The following MGAT4A variants were observed in gnomAD, a reference collection of about 807,000 sequenced individuals.
MGAT4A encodes the protein alpha-1,3-mannosyl-glycoprotein 4-beta-N-acetylglucosaminyltransferase A.
MGAT4A carries 33 observed loss-of-function variants against 74.1 expected under a neutral mutation model. The ratio of observed to expected loss-of-function variants is 0.45; its 90% confidence interval spans 0.34 to 0.60. MGAT4A has a LOEUF of 0.60. Ranked by LOEUF, MGAT4A falls within the 20% of genes least tolerant of loss-of-function variation. The pLI is 0.02. For synonymous variants in MGAT4A, 198 were observed against 210.4 expected (o/e 0.94, Z 0.51); for missense variants, 479 against 628.3 (o/e 0.76, Z 2.54).
At position 98,625,013 on chromosome 2, in the gene MGAT4A, A is replaced by G; in HGVS notation, c.*553T>C. 1.0e-6 allele frequency: 1 copy of G among 984,290 alleles called. No individual in the cohort carries two copies. Among genetic ancestry groups the G allele is most frequent in the Non-Finnish European group, 1.2e-6 (1 of 828,526 alleles). The allele number at this position is 984,290 out of a possible 1,614,324, so 61.0% of individuals were successfully genotyped here. ...TGTAATGTTTGCATTTCCAAAGAAA[A>G]ATATAGAAAGAACTTAAAAAAGCAA... On this transcript the variant is annotated 3_prime_UTR_variant, in exon 16 of 16. Transcript: ENST00000393487.
In MGAT4A at chr2:98,621,463, C is replaced by T. The variant is rs1701059591; in HGVS notation, c.*4103G>A. Reference sequence around the variant, plus strand: ...AGCAATGGTGCCTGAGGTCCTTCTGCTTTGTCTCTTGACTTCTGCCACCAG... The same window carrying T: ...AGCAATGGTGCCTGAGGTCCTTCTGTTTTGTCTCTTGACTTCTGCCACCAG... On this transcript the variant is annotated 3_prime_UTR_variant, in exon 16 of 16. Coordinates refer to ENST00000393487, the MANE Select transcript of MGAT4A (RefSeq NM_012214.3). 2 of 1,551,526 alleles carry T rather than the reference C, an allele frequency of 1.3e-6. No individual in the cohort carries two copies. The highest frequency in any genetic ancestry group is 1.4e-5 in the African/African-American group (1 of 73,040).
At chr2:98,670,337 A>T (rs1384505259) in intron 4 of MGAT4A, among the ~76,000 whole-genome samples, 2 of 152,180 alleles carry the variant, frequency 1.3e-5, no homozygotes, top group African/African-American at 4.8e-5. Flanking sequence ...AATTGTGCAT[A>T]TGTAGTACCT....
chr2:98,679,491 G>C (rs1164662970), intron 2 of MGAT4A, among the ~76,000 whole-genome samples: 1 of 150,880 alleles, frequency 6.6e-6, no homozygotes, highest in East Asian at 1.9e-4. Context: ...AATTAGCTAG[G>C]CATGGTGGTG....
rs777994038 is a variant in MGAT4A at position 98,639,915 on chromosome 2, C to T, written c.1215G>A (p.Gly405=). The change falls in exon 12 of 16, where the codon GGG becomes GGA. Residue 405 remains glycine, a synonymous_variant. Transcript: ENST00000393487. ...EVSTSLKVYQ[G]HTLEKTYMGE... is the part of the protein sequence containing the mutation. Reference sequence around the variant, plus strand: ...CCATGTAAGTTTTCTCCAGCGTATGCCCTTGGTAGACCTTCAAGGAAGTAG... The same window carrying T: ...CCATGTAAGTTTTCTCCAGCGTATGTCCTTGGTAGACCTTCAAGGAAGTAG... 2.5e-6 allele frequency: 4 copies of T among 1,614,084 alleles called. No homozygotes were observed. Among genetic ancestry groups the T allele is most frequent in the Non-Finnish European group, 2.5e-6 (3 of 1,179,948 alleles).
chr2:98,722,541 G>A (rs1177850907), intron 2 of MGAT4A, among the ~76,000 whole-genome samples: 1 of 152,190 alleles, frequency 6.6e-6, no homozygotes, highest in Non-Finnish European at 1.5e-5. Flanking sequence ...GGAGGGGAGG[G>A]AGGTAGGGAT....
chr2:98,619,951 G>A lies in MGAT4A; in HGVS notation c.*5615C>T, dbSNP rs998121392. 2.0e-5 allele frequency: 3 copies of A among 151,842 alleles called. No homozygotes were observed. The highest frequency in any genetic ancestry group is 6.6e-5 in the Admixed American group (1 of 15,242). 9.4% of individuals were successfully genotyped at this position (151,842 alleles called of 1,614,324 possible). On this transcript the variant is annotated 3_prime_UTR_variant, in exon 16 of 16. Transcript: ENST00000393487. ...ACATTAACAGTGGGAATGTTACTTC[G>A]CGCAAAGTGCTTTCCCATCAATGCT...
intron 10 of MGAT4A, among the ~76,000 whole-genome samples, chr2:98,642,638 G>A (rs1259859287): frequency 6.6e-6 from 1 of 152,210 alleles, no homozygotes; most frequent in Non-Finnish European, 1.5e-5. Flanking sequence ...CAAGTGTATT[G>A]TAGGAGGTTA....
rs560558805 is a variant in MGAT4A, at chr2:98,667,897, T to C, written c.404-4718A>G. Among the ~76,000 whole-genome samples, 30 of 152,182 alleles carry C rather than the reference T, an allele frequency of 2.0e-4. 1 individual carries two copies. The East Asian group carries it at 5.6e-3, about 28-fold the overall frequency. On this transcript the variant is annotated intron_variant, in intron 4 of 15. Transcript: ENST00000393487. ...ACCATGGCCAGATAAGTTTTGTATT[T>C]TTAGTAGAGACAGGGTTTCACCATG...
intron 2 of MGAT4A, among the ~76,000 whole-genome samples, chr2:98,699,212 G>C (rs190746176): frequency 6.6e-6 from 1 of 152,338 alleles, no homozygotes; most frequent in Admixed American, 6.5e-5. Flanking sequence ...GAGACTCAAT[G>C]TCAAAGGCTA....
chr2:98,674,973 A>G (rs1334225616), intron 4 of MGAT4A, 62 bp downstream of exon 4: 1 of 1,550,836 alleles, frequency 6.4e-7, no homozygotes, highest in Admixed American at 2.0e-5. Flanking sequence ...TGGTCAACAT[A>G]ATAGTCCAAA....
At chr2:98,646,061 G>A (rs1701479427) in intron 8 of MGAT4A, among the ~76,000 whole-genome samples, 1 of 152,008 alleles carries the variant, frequency 6.6e-6, no homozygotes, top group Non-Finnish European at 1.5e-5. Context: ...GGATATTATT[G>A]AAAACCAAGG....
chr2:98,634,771 A>G lies in MGAT4A; in HGVS notation c.1468+451T>C, dbSNP rs370611927. On this transcript the variant is annotated intron_variant, in intron 14 of 15. Transcript: ENST00000393487. ...ATAGGGACAGCAAAAACTGGCGATCAATAAAGAAATGTGTGTGTTACAGAC... is the reference window on the plus strand; with the variant it reads ...ATAGGGACAGCAAAAACTGGCGATCGATAAAGAAATGTGTGTGTTACAGAC... Among the ~76,000 whole-genome samples the G allele has an allele frequency of 3.0e-4, 45 of 150,040 alleles. 2 individuals are homozygous for G. In the South Asian group the frequency reaches 9.5e-3, roughly 32 times the overall value.
At chr2:98,680,165 T>A (rs1702040633) in intron 2 of MGAT4A, among the ~76,000 whole-genome samples, 1 of 150,200 alleles carries the variant, frequency 6.7e-6, no homozygotes, top group African/African-American at 2.5e-5. Context: ...CACCTCAGCC[T>A]CCCAAGTAGC....
chr2:98,717,445 A>G (rs901059355), intron 2 of MGAT4A, among the ~76,000 whole-genome samples: 2 of 152,126 alleles, frequency 1.3e-5, no homozygotes, highest in South Asian at 4.1e-4. Flanking sequence ...TGACAACTAA[A>G]CGCACCATGG....
At chr2:98,628,247 G>C (rs1701175505) in intron 14 of MGAT4A, among the ~76,000 whole-genome samples, 1 of 152,194 alleles carries the variant, frequency 6.6e-6, no homozygotes, top group South Asian at 2.1e-4. Context: ...AGCAGTACCA[G>C]TGACAACTCC....
In MGAT4A at chr2:98,678,475, G is replaced by T; in HGVS notation, c.95-4C>A. On this transcript the variant is annotated splice_polypyrimidine_tract_variant and splice_region_variant and intron_variant, in intron 2 of 15. Transcript: ENST00000393487. ...CGTTGATAAGCAATCAGTTTTTCTA[G>T]AAGCAAAACCAAAACAGTTATAGTA... 6.4e-7 allele frequency: 1 copy of T among 1,558,904 alleles called. No individual in the cohort carries two copies.
intron 5 of MGAT4A, among the ~76,000 whole-genome samples, chr2:98,662,282 T>C (rs1701763474): frequency 6.6e-6 from 1 of 152,226 alleles, no homozygotes. Flanking sequence ...TCTAAAATTA[T>C]TTCAGAACAA....
rs1701076211 is a variant in MGAT4A, at chr2:98,622,529, T to C, written c.*3037A>G. ...CTCTCAAGGCAAAGTATTTACCTTC[T>C]TCCAGTTCCAGGGACTCTTCCCCTC... On this transcript the variant is annotated 3_prime_UTR_variant, in exon 16 of 16. Coordinates refer to ENST00000393487, the MANE Select transcript of MGAT4A (RefSeq NM_012214.3). 9 of 985,350 alleles carry C rather than the reference T, an allele frequency of 9.1e-6. No homozygotes were observed. The highest frequency in any genetic ancestry group is 3.5e-5 in the African/African-American group (2 of 57,252). The allele number at this position is 985,350 out of a possible 1,614,324, so 61.0% of individuals were successfully genotyped here. A position where few individuals can be genotyped will look rare whatever the true frequency, so the allele number is the denominator to read the frequency against.
intron 12 of MGAT4A, among the ~76,000 whole-genome samples, chr2:98,638,591 T>G (rs1347085399): frequency 6.6e-6 from 1 of 152,246 alleles, no homozygotes; most frequent in Admixed American, 6.5e-5. Context: ...TATCTCAAAG[T>G]GCAGAGTATT....
Sources: gnomAD v4.1 joint callset for allele counts (sites outside exome capture counted in the v4.1 genomes callset) on GRCh38, gnomAD v4.1.1 for gene constraint, MANE v1.5 for transcripts, NCBI Gene and HGNC (gene_info 2026-07-23, HGNC 2026-07-21) for gene names.